Variants in RB1 observed in about 807,000 individuals in gnomAD.
RB1 encodes retinoblastoma-associated protein.
In RB1, 18 loss-of-function variants were observed where a neutral mutation model predicts 135.4. The observed-to-expected ratio is 0.13, with a 90% CI of 0.09 to 0.20. RB1 has a LOEUF of 0.20. Ranked by LOEUF, RB1 falls within the 10% of genes least tolerant of loss-of-function variation. The probability of loss-of-function intolerance (pLI) is 1.00; values close to 1 mark genes in which losing one functional copy is unlikely to be tolerated. For missense variants in RB1, 868 were observed against 1,110.0 expected, an observed-to-expected ratio of 0.78 and a Z score of 3.10; for synonymous variants, 365 against 373.2, an observed-to-expected ratio of 0.98 and a Z score of 0.25.
intron 2 of RB1, among the ~76,000 whole-genome samples, chr13:48,308,965 G>C (rs561112366): frequency 2.0e-5 from 3 of 151,960 alleles, no homozygotes; most frequent in African/African-American, 7.2e-5. Flanking sequence ...ATAGTTTCTA[G>C]TGATAGTATA....
Position 48,379,581 on chromosome 13 carries a change from T to C in RB1, c.1333-13T>C, listed in dbSNP as rs2138140684. On this transcript the variant is annotated splice_polypyrimidine_tract_variant and intron_variant, in intron 13 of 26. Transcript: ENST00000267163. Reference sequence around the variant, plus strand: ...AATAGCAGGCTCTTATTTTTCTTTTTGTTTGTTTGTAGCGATACAAACTTG... The same window carrying C: ...AATAGCAGGCTCTTATTTTTCTTTTCGTTTGTTTGTAGCGATACAAACTTG... The C allele has an allele frequency of 4.3e-6, 7 of 1,610,756 alleles. No individual in the cohort carries two copies. Among genetic ancestry groups the C allele is most frequent in the South Asian group, 1.1e-5 (1 of 90,440 alleles).
intron 17 of RB1, chr13:48,417,192 G>A (rs1948926279): frequency 6.6e-6 from 1 of 152,618 alleles, no homozygotes; most frequent in African/African-American, 2.4e-5. Flanking sequence ...CTGCCGTCTG[G>A]TGGGTGCCCC....
chr13:48,373,497 G>A lies in RB1; in HGVS notation c.1215+5G>A, dbSNP rs2138131373. Reference sequence around the variant, plus strand: ...AATCTGATTTCCTATTTTAACGTAAGCCATATATGAAACATTATTTATTGT... The same window carrying A: ...AATCTGATTTCCTATTTTAACGTAAACCATATATGAAACATTATTTATTGT... On this transcript the variant is annotated splice_donor_5th_base_variant and intron_variant, in intron 12 of 26. Coordinates refer to ENST00000267163, the MANE Select transcript of RB1 (RefSeq NM_000321.3). 1 of 1,520,310 alleles carries A rather than the reference G, an allele frequency of 6.6e-7. No homozygotes were observed. Among genetic ancestry groups the A allele is most frequent in the Non-Finnish European group, 9.1e-7 (1 of 1,095,414 alleles). The allele number at this position is 1,520,310 out of a possible 1,614,324, so 94.2% of individuals were successfully genotyped here.
At chr13:48,325,854 C>T (rs1040264719) in intron 2 of RB1, among the ~76,000 whole-genome samples, 4 of 151,948 alleles carry the variant, frequency 2.6e-5, no homozygotes, top group African/African-American at 9.7e-5. Context: ...GTGTAGATTC[C>T]TAGAAGTAGA....
intron 2 of RB1, among the ~76,000 whole-genome samples, chr13:48,336,279 C>A (rs977552695): frequency 9.9e-5 from 15 of 152,088 alleles, no homozygotes; most frequent in Non-Finnish European, 1.5e-5. Flanking sequence ...CCTCTTTGTA[C>A]CTCTGGTAGA....
intron 6 of RB1, among the ~76,000 whole-genome samples, chr13:48,355,687 G>A (rs1952583772): frequency 6.6e-6 from 1 of 152,052 alleles, no homozygotes; most frequent in Non-Finnish European, 1.5e-5. Context: ...ATCAACAGAT[G>A]AATGGATAAA....
chr13:48,339,276 A>G (rs198633), intron 2 of RB1, among the ~76,000 whole-genome samples: 140,606 of 152,226 alleles, frequency 0.92, 65,527 homozygotes, highest in East Asian at 1. Context: ...CAGAGGTGGA[A>G]TCTACAGAGG....
intron 17 of RB1, among the ~76,000 whole-genome samples, chr13:48,383,469 A>G (rs1948551991): frequency 6.6e-6 from 1 of 152,132 alleles, no homozygotes; most frequent in African/African-American, 2.4e-5. Context: ...AATTTGTATC[A>G]GTATATAGAA....
intron 2 of RB1, among the ~76,000 whole-genome samples, chr13:48,310,631 T>A (rs1055807690): frequency 6.6e-6 from 1 of 152,158 alleles, no homozygotes; most frequent in Non-Finnish European, 1.5e-5. Context: ...CCAGAAAATT[T>A]TATCATTGAT....
intron 1 of RB1, among the ~76,000 whole-genome samples, chr13:48,306,349 GAGC>G (rs1211684744): frequency 1.3e-5 from 2 of 152,238 alleles, no homozygotes; most frequent in African/African-American, 4.8e-5. Context: ...AGACTGCAGT[GAGC>G]CATGATTTCA....
chr13:48,454,616 A>G (rs1949348945), intron 18 of RB1, among the ~76,000 whole-genome samples: 1 of 152,220 alleles, frequency 6.6e-6, no homozygotes, highest in South Asian at 2.1e-4. Flanking sequence ...AGATGATTTT[A>G]GAGTATAATA....
At chr13:48,452,762 A>G (rs1416007215) in intron 17 of RB1, among the ~76,000 whole-genome samples, 3 of 152,128 alleles carry the variant, frequency 2.0e-5, no homozygotes, top group African/African-American at 7.2e-5. Context: ...ATTTTCTAAT[A>G]TAAGCGTTGA....
intron 1 of RB1, 121 bp from the exon 2 acceptor site, chr13:48,307,159 A>T: frequency 2.7e-6 from 2 of 736,504 alleles, no homozygotes; most frequent in Non-Finnish European, 4.5e-6. Context: ...ATAAGATCTT[A>T]AAGTATTTAA....
At chr13:48,419,061 C>G (rs1305678268) in intron 17 of RB1, among the ~76,000 whole-genome samples, 2 of 152,178 alleles carry the variant, frequency 1.3e-5, no homozygotes, top group Non-Finnish European at 2.9e-5. Flanking sequence ...ACAGAACTCT[C>G]CACCCCAAAT....
intron 17 of RB1, among the ~76,000 whole-genome samples, chr13:48,415,013 A>C (rs1948884499): frequency 6.6e-6 from 1 of 152,020 alleles, no homozygotes; most frequent in African/African-American, 2.4e-5. Context: ...TATTTGGTTC[A>C]GTATGTTTTA....
chr13:48,451,350 A>G (rs1009585369), intron 17 of RB1, among the ~76,000 whole-genome samples: 13 of 152,168 alleles, frequency 8.5e-5, no homozygotes, highest in African/African-American at 3.1e-4. Context: ...GAATTTTATC[A>G]AAGGCCTCTT....
At position 48,363,767 on chromosome 13, in the gene RB1, A is replaced by C. The variant is rs4151489; in HGVS notation, c.861+810A>C. On this transcript the variant is annotated intron_variant, in intron 8 of 26. Coordinates refer to ENST00000267163, the MANE Select transcript of RB1 (RefSeq NM_000321.3). ...CTTGTTCATAGAATGTGGATGTTAG[A>C]AGGAATCTTACAAATAATGTATTCA... Among the ~76,000 whole-genome samples the C allele has an allele frequency of 2.1e-3, 327 of 152,334 alleles. 2 individuals carry two copies. Among genetic ancestry groups the C allele is most frequent in the African/African-American group, 7.4e-3 (307 of 41,582 alleles).
At chr13:48,321,710 G>A (rs936755942) in intron 2 of RB1, among the ~76,000 whole-genome samples, 4 of 152,170 alleles carry the variant, frequency 2.6e-5, no homozygotes, top group East Asian at 1.9e-4. Context: ...ACAAAAATTA[G>A]CTGGGCGTGG....
At chr13:48,430,990 A>T (rs1949124300) in intron 17 of RB1, among the ~76,000 whole-genome samples, 1 of 152,158 alleles carries the variant, frequency 6.6e-6, no homozygotes, top group Non-Finnish European at 1.5e-5. Flanking sequence ...TCTAGTGTTT[A>T]AAAAAAGATA....
Sources: gnomAD v4.1 joint callset for allele counts (sites outside exome capture counted in the v4.1 genomes callset) on GRCh38, gnomAD v4.1.1 for gene constraint, MANE v1.5 for transcripts, NCBI Gene and HGNC (gene_info 2026-07-23, HGNC 2026-07-21) for gene names.